PELI2: variants seen among roughly 807,000 people sequenced by gnomAD.
PELI2 encodes the protein pellino E3 ubiquitin protein ligase family member 2.
PELI2 carries 23 observed loss-of-function variants against 42.3 expected under a neutral mutation model. That is an observed-to-expected ratio of 0.54 (90% CI 0.39 to 0.77). PELI2 has a LOEUF of 0.77. Among genes scored for constraint, PELI2 ranks in the 30% least tolerant of loss-of-function variants. The pLI is 0.00. For missense variants in PELI2, 463 were observed against 553.2 expected (o/e 0.84, Z 1.64); for synonymous variants, 245 against 212.2 (o/e 1.15, Z -1.34).
intron 1 of PELI2, among the ~76,000 whole-genome samples, chr14:56,120,886 A>C (rs1001797980): frequency 6.6e-6 from 1 of 152,180 alleles, no homozygotes; most frequent in Non-Finnish European, 1.5e-5. Flanking sequence ...TGGTTTTTGA[A>C]TACTTGAATT....
At chr14:56,163,094 G>A (rs114450554) in intron 1 of PELI2, among the ~76,000 whole-genome samples, 2,386 of 152,150 alleles carry the variant, frequency 0.016, 66 homozygotes, top group African/African-American at 0.055. Context: ...AACTTGATGT[G>A]ACAAATGGCG....
At chr14:56,233,417 A>G (rs1045348520) in intron 2 of PELI2, among the ~76,000 whole-genome samples, 28 of 152,310 alleles carry the variant, frequency 1.8e-4, no homozygotes, top group African/African-American at 5.1e-4. Flanking sequence ...ATATAGACCA[A>G]TGGAACAGAA....
chr14:56,179,262 G>A (rs757688481), intron 2 of PELI2, among the ~76,000 whole-genome samples: 53 of 152,180 alleles, frequency 3.5e-4, no homozygotes, highest in Admixed American at 1.2e-3. Context: ...GCTACTGGCT[G>A]TACCTGTTGA....
At chr14:56,200,418 A>G (rs1259373852) in intron 2 of PELI2, among the ~76,000 whole-genome samples, 4 of 152,328 alleles carry the variant, frequency 2.6e-5, no homozygotes, top group African/African-American at 9.6e-5. Flanking sequence ...CCAGGGTCAC[A>G]CAGCCGGTGA....
chr14:56,242,798 A>G (rs7152954), intron 2 of PELI2, among the ~76,000 whole-genome samples: 61,329 of 152,010 alleles, frequency 0.4, 13,093 homozygotes, highest in South Asian at 0.53. Context: ...TGGGAGCTAA[A>G]CTATGAGGAC....
At chr14:56,140,826 T>G (rs935870837) in intron 1 of PELI2, among the ~76,000 whole-genome samples, 1 of 152,018 alleles carries the variant, frequency 6.6e-6, no homozygotes, top group African/African-American at 2.4e-5. Context: ...GGGGGTGACT[T>G]GGTATTATGG....
intron 2 of PELI2, among the ~76,000 whole-genome samples, chr14:56,250,899 C>G (rs1034339136): frequency 2.6e-5 from 4 of 152,158 alleles, no homozygotes; most frequent in Non-Finnish European, 5.9e-5. Flanking sequence ...GAAGTACTGT[C>G]AGGAGAAACC....
At chr14:56,233,864 AGG>A (rs1281356231) in intron 2 of PELI2, among the ~76,000 whole-genome samples, 1 of 152,218 alleles carries the variant, frequency 6.6e-6, no homozygotes, top group African/African-American at 2.4e-5. Context: ...CATCTGACAA[AGG>A]GCTAATATCC....
At position 56,135,699 on chromosome 14, in the gene PELI2, A is replaced by G. The variant is rs75396624; in HGVS notation, c.77+16962A>G. 1.7e-3 allele frequency among the ~76,000 whole-genome samples: 263 copies of G among 152,330 alleles called. 2 individuals carry two copies. The East Asian group carries it at 0.047, about 27-fold the overall frequency. ...TGGAACTGTTGTTTCTTCTGGACCA[A>G]AAGTAACTTGGTGAAAAAAAGACCA... On this transcript the variant is annotated intron_variant, in intron 1 of 5. Coordinates refer to ENST00000267460, the MANE Select transcript of PELI2 (RefSeq NM_021255.3).
At chr14:56,256,235 C>T (rs1888522908) in intron 2 of PELI2, among the ~76,000 whole-genome samples, 1 of 151,940 alleles carries the variant, frequency 6.6e-6, no homozygotes, top group South Asian at 2.1e-4. Flanking sequence ...CGAGACCAGC[C>T]TGGACAACAT....
chr14:56,206,891 T>G (rs942806847), intron 2 of PELI2, among the ~76,000 whole-genome samples: 2 of 152,188 alleles, frequency 1.3e-5, no homozygotes, highest in Non-Finnish European at 2.9e-5. Flanking sequence ...TCAGAGGGAT[T>G]TGCTGCATGT....
chr14:56,144,693 GTATAAAATTTTGTAAAGATGAT>G (rs1884046606), intron 1 of PELI2, among the ~76,000 whole-genome samples: 1 of 152,174 alleles, frequency 6.6e-6, no homozygotes, highest in Admixed American at 6.5e-5. Context: ...TAAAGATGAT[GTATAAAATTTTGTAAAGATGAT>G]TATAAAATTT....
intron 1 of PELI2, among the ~76,000 whole-genome samples, chr14:56,147,427 C>A (rs1884169138): frequency 2.0e-5 from 3 of 152,144 alleles, no homozygotes; most frequent in Admixed American, 2.0e-4. Flanking sequence ...AACAGCAGCA[C>A]ATGTACATGG....
chr14:56,195,832 C>A (rs1886110992), intron 2 of PELI2, among the ~76,000 whole-genome samples: 1 of 152,162 alleles, frequency 6.6e-6, no homozygotes, highest in African/African-American at 2.4e-5. Context: ...CAGTTTGGGC[C>A]CCAGTCTCAG....
At position 56,232,522 on chromosome 14, in the gene PELI2, C is replaced by G. The variant is rs1887622237; in HGVS notation, c.208-47154C>G. ...AGAAACAAAAAGCACATGATTATCT[C>G]AATAGATGCAGAAAAAGCCTTTGAC... is the stretch of plus-strand genomic sequence containing the variant. On this transcript the variant is annotated intron_variant, in intron 2 of 5. Coordinates refer to ENST00000267460, the MANE Select transcript of PELI2 (RefSeq NM_021255.3). Among the ~76,000 whole-genome samples, 5 of 152,214 alleles carry G rather than the reference C, an allele frequency of 3.3e-5. No homozygotes were observed. The South Asian group carries it at 1.0e-3, about 32-fold the overall frequency.
intron 2 of PELI2, among the ~76,000 whole-genome samples, chr14:56,235,791 G>A (rs556974895): frequency 6.6e-6 from 1 of 152,332 alleles, no homozygotes; most frequent in African/African-American, 2.4e-5. Flanking sequence ...TGTCTGCCCA[G>A]TTTTCTTGTT....
chr14:56,220,626 T>G (rs1028905710), intron 2 of PELI2, among the ~76,000 whole-genome samples: 1 of 151,564 alleles, frequency 6.6e-6, no homozygotes, highest in Non-Finnish European at 1.5e-5. Context: ...TTTTTAAGAG[T>G]ATAACAATGA....
At chr14:56,194,385 C>T (rs1886058116) in intron 2 of PELI2, among the ~76,000 whole-genome samples, 1 of 152,186 alleles carries the variant, frequency 6.6e-6, no homozygotes. Flanking sequence ...AGCTGCATCA[C>T]GCTTAAGGTT....
At chr14:56,228,797 G>A (rs10130918) in intron 2 of PELI2, among the ~76,000 whole-genome samples, 2 of 152,180 alleles carry the variant, frequency 1.3e-5, no homozygotes, top group African/African-American at 2.4e-5. Flanking sequence ...AGGCAGGGTG[G>A]GGTATCCCCT....
Sources: gnomAD v4.1 joint callset for allele counts (sites outside exome capture counted in the v4.1 genomes callset) on GRCh38, gnomAD v4.1.1 for gene constraint, MANE v1.5 for transcripts, NCBI Gene and HGNC (gene_info 2026-07-23, HGNC 2026-07-21) for gene names.